KCNK3: variants seen among roughly 807,000 people sequenced by gnomAD.
KCNK3 encodes potassium channel subfamily K member 3.
KCNK3 carries 9 observed loss-of-function variants against 27.3 expected under a neutral mutation model. The ratio of observed to expected loss-of-function variants is 0.33; its 90% CI spans 0.20 to 0.57. The LOEUF is 0.57. KCNK3 is among the 20% of genes least tolerant of loss of function. The pLI, the probability that KCNK3 is intolerant of heterozygous loss-of-function variation, is 0.87. For missense variants in KCNK3, 391 were observed against 577.7 expected (o/e 0.68, Z 3.31); for synonymous variants, 278 against 273.8 (o/e 1.02, Z -0.15).
At chr2:26,702,857 T>C (rs745631260) in intron 1 of KCNK3, among the ~76,000 whole-genome samples, 14 of 152,128 alleles carry the variant, frequency 9.2e-5, no homozygotes, top group Non-Finnish European at 1.5e-4. Context: ...GGCTCATGTC[T>C]GTAGTCCCAG....
At chr2:26,710,537 G>A (rs907522195) in intron 1 of KCNK3, among the ~76,000 whole-genome samples, 15 of 152,212 alleles carry the variant, frequency 9.9e-5, no homozygotes, top group African/African-American at 3.6e-4. Flanking sequence ...GGAGCCAGGT[G>A]ACTCCAGTGG....
intron 1 of KCNK3, among the ~76,000 whole-genome samples, chr2:26,699,393 T>TG (rs924950849): frequency 5.3e-5 from 8 of 150,306 alleles, no homozygotes; most frequent in African/African-American, 1.7e-4. Flanking sequence ...ATGGAGAGAG[T>TG]GGGGGTGAGA....
Position 26,721,370 on chromosome 2 carries a change from C to T in KCNK3, c.284-6297C>T, listed in dbSNP as rs1663325557. Among the ~76,000 whole-genome samples, 2 of 152,106 alleles carry T rather than the reference C, an allele frequency of 1.3e-5. No individual in the cohort carries two copies. Among genetic ancestry groups the T allele is most frequent in the African/African-American group, 2.4e-5 (1 of 41,414 alleles). ...GAGGGAGAGCACCTGCGCCCTCCTCCCGTCTCCACCAAGCTGCAGCCCCTC... is the reference window on the plus strand; with the variant it reads ...GAGGGAGAGCACCTGCGCCCTCCTCTCGTCTCCACCAAGCTGCAGCCCCTC... On this transcript the variant is annotated intron_variant, in intron 1 of 1. Transcript: ENST00000302909. The surrounding 1 kb of genome is among the most constrained non-coding windows in gnomAD (Gnocchi z 4.3).
At chr2:26,715,953 A>G (rs996236935) in intron 1 of KCNK3, among the ~76,000 whole-genome samples, 3 of 152,192 alleles carry the variant, frequency 2.0e-5, no homozygotes, top group African/African-American at 7.2e-5. Context: ...GAGGGAGAGA[A>G]TGTGGCCCTC....
chr2:26,725,084 G>A (rs1046956360), intron 1 of KCNK3, among the ~76,000 whole-genome samples: 1 of 152,154 alleles, frequency 6.6e-6, no homozygotes, highest in Admixed American at 6.5e-5. Flanking sequence ...TGGGCCCAGG[G>A]AAGTCACGGC....
chr2:26,708,539 C>T (rs191938265), intron 1 of KCNK3, among the ~76,000 whole-genome samples: 8 of 152,188 alleles, frequency 5.3e-5, no homozygotes, highest in Admixed American at 2.0e-4. Context: ...ATTAGCCAGG[C>T]GTTGTGGCAT....
At chr2:26,724,360 G>C (rs1348249737) in intron 1 of KCNK3, 1 of 152,582 alleles carries the variant, frequency 6.6e-6, no homozygotes, top group Admixed American at 6.5e-5. Flanking sequence ...TCCTCCCAAG[G>C]CCTCCCGGCC....
At chr2:26,714,012 G>T (rs975911302) in intron 1 of KCNK3, among the ~76,000 whole-genome samples, 1 of 151,798 alleles carries the variant, frequency 6.6e-6, no homozygotes, top group African/African-American at 2.4e-5. Flanking sequence ...AGAGGCAGAG[G>T]TTGCAGTGAG....
rs549028027 is a variant in KCNK3, at chr2:26,708,633, C to T, written c.283+15475C>T. Reference sequence around the variant, plus strand: ...GGCGGAGGTTGCAGCGAGCCGAGATCGCGCTATTGTACTCCAGCCTGGACA... The same window carrying T: ...GGCGGAGGTTGCAGCGAGCCGAGATTGCGCTATTGTACTCCAGCCTGGACA... On this transcript the variant is annotated intron_variant, in intron 1 of 1. Transcript: ENST00000302909. 3.3e-5 allele frequency among the ~76,000 whole-genome samples: 5 copies of T among 152,268 alleles called. No individual in the cohort carries two copies. The South Asian group carries it at 6.2e-4, about 19-fold the overall frequency.
At position 26,692,862 on chromosome 2, in the gene KCNK3, G is replaced by T. The variant is rs1670186902; in HGVS notation, c.-14G>T. 1 of 1,248,600 alleles carries T rather than the reference G, an allele frequency of 8.0e-7. No homozygotes were observed. Among genetic ancestry groups the T allele is most frequent in the Non-Finnish European group, 1.0e-6 (1 of 994,080 alleles). 77.3% of individuals were successfully genotyped at this position (1,248,600 alleles called of 1,614,324 possible). The stretch of plus-strand genomic sequence containing the variant: ...CGGGGGCGCCGGGGGGCCGGCGGCG[G>T]CCCGGGCGGGACGATGAAGCGGCAG... On this transcript the variant is annotated 5_prime_UTR_variant, in exon 1 of 2. Transcript: ENST00000302909. The surrounding 1 kb of genome is among the most constrained non-coding windows in gnomAD (Gnocchi z 5.6).
At chr2:26,712,422 A>G (rs145930323) in intron 1 of KCNK3, among the ~76,000 whole-genome samples, 2 of 152,212 alleles carry the variant, frequency 1.3e-5, no homozygotes, top group African/African-American at 2.4e-5. Flanking sequence ...CTCCTAGAAG[A>G]GTCTGTGTCC....
chr2:26,711,625 G>A (rs1390038988), intron 1 of KCNK3, among the ~76,000 whole-genome samples: 1 of 152,158 alleles, frequency 6.6e-6, no homozygotes, highest in Non-Finnish European at 1.5e-5. Context: ...ACCTCTCTGT[G>A]GCTCCGTTAC....
At chr2:26,709,149 C>G (rs1663052666) in intron 1 of KCNK3, among the ~76,000 whole-genome samples, 1 of 152,114 alleles carries the variant, frequency 6.6e-6, no homozygotes, top group Non-Finnish European at 1.5e-5. Context: ...TTGGTAGACT[C>G]AAGACTTCTG....
At chr2:26,702,078 T>C (rs1670314800) in intron 1 of KCNK3, among the ~76,000 whole-genome samples, 1 of 152,150 alleles carries the variant, frequency 6.6e-6, no homozygotes, top group Admixed American at 6.5e-5. Flanking sequence ...CTAGGACCTA[T>C]TAGTTATTTT....
At position 26,692,935 on chromosome 2, in the gene KCNK3, G is replaced by A; in HGVS notation, c.60G>A (p.Leu20=). The part of the protein sequence containing the change: ...ALIVCTFTYL[L]VGAAVFDALE... ...TCGTGTGCACCTTCACCTACCTGCT[G>A]GTGGGCGCCGCGGTCTTCGACGCGC... The change falls in exon 1 of 2, where the codon CTG becomes CTA. Residue 20 remains leucine (L), a synonymous_variant. Coordinates refer to ENST00000302909, the MANE Select transcript of KCNK3 (RefSeq NM_002246.3). This position sits in a 1 kb window ranked among gnomAD's most constrained non-coding sequence, Gnocchi z 5.6. 1 of 1,543,962 alleles carries A rather than the reference G, an allele frequency of 6.5e-7. No homozygotes were observed. Among genetic ancestry groups the A allele is most frequent in the Admixed American group, 1.9e-5 (1 of 52,064 alleles).
intron 1 of KCNK3, among the ~76,000 whole-genome samples, chr2:26,697,722 G>A (rs1451514399): frequency 6.6e-6 from 1 of 152,130 alleles, no homozygotes; most frequent in Non-Finnish European, 1.5e-5. Context: ...CAACAACAAA[G>A]AGACCAGGTG....
At chr2:26,702,525 T>C (rs1178575544) in intron 1 of KCNK3, among the ~76,000 whole-genome samples, 1 of 152,124 alleles carries the variant, frequency 6.6e-6, no homozygotes, top group African/African-American at 2.4e-5. Flanking sequence ...CCAGCAGCAG[T>C]GGGTAAAGCT....
In KCNK3 at chr2:26,728,819, G is replaced by A. The variant is rs1663483015; in HGVS notation, c.*251G>A. On this transcript the variant is annotated 3_prime_UTR_variant, in exon 2 of 2. Coordinates refer to ENST00000302909, the MANE Select transcript of KCNK3 (RefSeq NM_002246.3). ...ATGTGAAACTTGGTGGGGTCAGGGA[G>A]GAAAGGCAGAAGCTGGGAGCCTCCC... 2.5e-6 allele frequency: 1 copy of A among 394,050 alleles called. No homozygotes were observed. The allele number at this position is 394,050 out of a possible 1,614,324, so 24.4% of individuals were successfully genotyped here. A position where few individuals can be genotyped will look rare whatever the true frequency, so the allele number is the denominator to read the frequency against.
At position 26,728,528 on chromosome 2, in the gene KCNK3, C is replaced by T; in HGVS notation, c.1145C>T (p.Ser382Phe). 1.4e-6 allele frequency: 2 copies of T among 1,477,778 alleles called. No homozygotes were observed. Among genetic ancestry groups the T allele is most frequent in the Non-Finnish European group, 1.8e-6 (2 of 1,113,018 alleles). The allele number at this position is 1,477,778 out of a possible 1,614,324, so 91.5% of individuals were successfully genotyped here. A position where few individuals can be genotyped will look rare whatever the true frequency, so the allele number is the denominator to read the frequency against. The change falls in exon 2 of 2, where the codon TCC (serine) becomes TTC (phenylalanine). Residue 382 changes from serine to phenylalanine, a missense_variant. Physicochemically the swap from Ser to Phe is radical, Grantham distance 155. Around this residue, in one of 4 missense-constraint regions of KCNK3, gnomAD observed 192 missense variants for 196.0 expected, o/e 0.98. Coordinates refer to ENST00000302909, the MANE Select transcript of KCNK3 (RefSeq NM_002246.3). The stretch of plus-strand genomic sequence containing the variant: ...GTGTCCACGGGTCTGCACAGCCTGT[C>T]CACCTTCCGCGGCCTCATGAAGCGC... ...SSVSTGLHSL[S>F]TFRGLMKRRS... is the part of the protein sequence containing the mutation.
Sources: allele counts gnomAD v4.1 joint callset (sites outside exome capture counted in the v4.1 genomes callset), GRCh38; gene constraint gnomAD v4.1.1; regional missense constraint gnomAD v4.1.1; non-coding constraint Gnocchi (gnomAD v3.1); transcripts MANE v1.5; gene names NCBI Gene and HGNC (gene_info 2026-07-23, HGNC 2026-07-21).